Variants in LNX1 observed in about 807,000 individuals in gnomAD.
The protein encoded by LNX1 is E3 ubiquitin-protein ligase LNX.
A neutral mutation model predicts 68.4 loss-of-function variants in LNX1; 54 were observed. The ratio of observed to expected loss-of-function variants is 0.79; its 90% CI spans 0.63 to 0.99. The LOEUF (loss-of-function observed/expected upper bound fraction) is 0.99. Ranked by LOEUF, LNX1 falls within the 50% of genes least tolerant of loss-of-function variation. The pLI, the probability that LNX1 is intolerant of heterozygous loss-of-function variation, is 0.00. For missense variants in LNX1, 906 were observed against 926.4 expected (o/e 0.98, Z 0.29); for synonymous variants, 336 against 350.0 (o/e 0.96, Z 0.45).
At chr4:53,596,606 G>A (rs2109829190) in intron 2 of LNX1, among the ~76,000 whole-genome samples, 1 of 152,270 alleles carries the variant, frequency 6.6e-6, no homozygotes, top group East Asian at 1.9e-4. Flanking sequence ...GGTGGTGGCT[G>A]TTGCTATTTC....
chr4:53,478,743 C>T lies in LNX1; in HGVS notation c.1486-1G>A. ...GACAAGTAATTGTAGGATGGAGGGGCTGAAGGCACAGATGGAAAAACATGG... is the reference window on the plus strand; with the variant it reads ...GACAAGTAATTGTAGGATGGAGGGGTTGAAGGCACAGATGGAAAAACATGG... On this transcript the variant is annotated splice_acceptor_variant, in intron 7 of 10. Transcript: ENST00000263925. LOFTEE classifies it high-confidence loss of function. The T allele has an allele frequency of 6.2e-7, 1 of 1,612,054 alleles. No homozygotes were observed. The highest frequency in any genetic ancestry group is 1.1e-5 in the South Asian group (1 of 90,664).
At chr4:53,486,074 A>G (rs1203414816) in intron 6 of LNX1, among the ~76,000 whole-genome samples, 1 of 152,162 alleles carries the variant, frequency 6.6e-6, no homozygotes, top group Non-Finnish European at 1.5e-5. Context: ...TAAGAATCCT[A>G]GATTGTGATC....
chr4:53,646,172 C>T (rs1378013621), intron 1 of LNX1, among the ~76,000 whole-genome samples: 1 of 152,064 alleles, frequency 6.6e-6, no homozygotes, highest in South Asian at 2.1e-4. Flanking sequence ...TCATATTTCC[C>T]TTGTTCTTGA....
chr4:53,501,311 G>GGGGGGGAGT (rs1553932778), intron 4 of LNX1, among the ~76,000 whole-genome samples: 1 of 55,696 alleles, frequency 1.8e-5, no homozygotes, highest in Non-Finnish European at 3.6e-5. Context: ...GGGGTGGGGG[G>GGGGGGGAGT]ACAGGATCTC....
intron 2 of LNX1, among the ~76,000 whole-genome samples, chr4:53,615,068 A>C (rs1733635818): frequency 6.6e-6 from 1 of 152,160 alleles, no homozygotes; most frequent in Non-Finnish European, 1.5e-5. Flanking sequence ...CTTCAAATGA[A>C]TTAATTGCTG....
At chr4:53,601,570 G>A (rs569890728) in intron 2 of LNX1, among the ~76,000 whole-genome samples, 40 of 152,300 alleles carry the variant, frequency 2.6e-4, no homozygotes, top group Non-Finnish European at 3.8e-4. Context: ...TGACAACTGC[G>A]TGAGCCTGGT....
chr4:53,599,251 T>C (rs780190293), intron 2 of LNX1, among the ~76,000 whole-genome samples: 19 of 152,144 alleles, frequency 1.2e-4, no homozygotes, highest in Non-Finnish European at 2.6e-4. Flanking sequence ...CAGAAAGACT[T>C]TGCTGATAAA....
At chr4:53,621,786 G>A (rs1260537684), upstream of LNX1, among the ~76,000 whole-genome samples, 1 of 152,164 alleles carries the variant, frequency 6.6e-6, no homozygotes, top group Admixed American at 6.5e-5. Flanking sequence ...GATAGAGGCA[G>A]GGACATGAAA....
rs1358931701 is a variant in LNX1, at chr4:53,520,162, C to A, written c.381-11935G>T. On this transcript the variant is annotated intron_variant, in intron 2 of 10. Coordinates refer to ENST00000263925, the MANE Select transcript of LNX1 (RefSeq NM_001126328.3). The stretch of plus-strand genomic sequence containing the variant: ...ACTAAGATGGGTGTCCAGAATGTCA[C>A]CCCCAAACTGCTGCTGAAGGCACAG... 7.2e-5 allele frequency among the ~76,000 whole-genome samples: 11 copies of A among 152,172 alleles called. 1 individual carries two copies. The highest frequency in any genetic ancestry group is 7.2e-4 in the Admixed American group (11 of 15,276).
At chr4:53,562,732 A>G (rs1412302600) in intron 2 of LNX1, among the ~76,000 whole-genome samples, 3 of 152,212 alleles carry the variant, frequency 2.0e-5, no homozygotes, top group Non-Finnish European at 4.4e-5. Flanking sequence ...ATAGTTAATA[A>G]CAATGTATTG....
chr4:53,569,244 A>G lies in LNX1; in HGVS notation c.380+4379T>C, dbSNP rs1402403645. 7.2e-5 allele frequency among the ~76,000 whole-genome samples: 11 copies of G among 151,810 alleles called. No individual in the cohort carries two copies. The East Asian group carries it at 1.5e-3, about 21-fold the overall frequency. On this transcript the variant is annotated intron_variant, in intron 2 of 10. Coordinates refer to ENST00000263925, the MANE Select transcript of LNX1 (RefSeq NM_001126328.3). ...AAAGGAACAAAGCTGGAGGCATCAC[A>G]CTACCTGACTTCAAACTATACTACA...
At chr4:53,467,457 G>C (rs1435665579) in intron 9 of LNX1, among the ~76,000 whole-genome samples, 1 of 152,202 alleles carries the variant, frequency 6.6e-6, no homozygotes, top group African/African-American at 2.4e-5. Flanking sequence ...AAGGAATGCA[G>C]CTCCTCACCA....
chr4:53,467,119 T>G (rs1722747880), intron 9 of LNX1, among the ~76,000 whole-genome samples: 1 of 152,052 alleles, frequency 6.6e-6, no homozygotes, highest in South Asian at 2.1e-4. Context: ...ACACCTCACA[T>G]GGCTGGGTAC....
At chr4:53,466,509 A>G (rs553550098) in intron 9 of LNX1, among the ~76,000 whole-genome samples, 251 of 152,164 alleles carry the variant, frequency 1.6e-3, no homozygotes, top group Middle Eastern at 3.2e-3. Flanking sequence ...TGGGTGCAGC[A>G]CACCGAGCAC....
intron 4 of LNX1, among the ~76,000 whole-genome samples, chr4:53,506,855 C>CAAAAAAAAAAAAAAAA (rs1560633627): frequency 7.9e-5 from 1 of 12,642 alleles, no homozygotes; most frequent in Non-Finnish European, 3.0e-4. Context: ...AAAACTCTGT[C>CAAAAAAAAAAAAAAAA]TAAAAAAAAA....
At chr4:53,544,879 C>G (rs1045891046) in intron 2 of LNX1, among the ~76,000 whole-genome samples, 6 of 152,216 alleles carry the variant, frequency 3.9e-5, no homozygotes, top group African/African-American at 1.4e-4. Flanking sequence ...CAAAGACACA[C>G]AGCCAGCAAT....
intron 1 of LNX1, among the ~76,000 whole-genome samples, chr4:53,639,255 C>T (rs538015188): frequency 6.6e-6 from 1 of 152,272 alleles, no homozygotes; most frequent in Non-Finnish European, 1.5e-5. Context: ...ACTGCATGTT[C>T]TCACTTGTAA....
intron 2 of LNX1, among the ~76,000 whole-genome samples, chr4:53,611,574 C>T (rs1733499530): frequency 1.3e-5 from 2 of 152,036 alleles, no homozygotes; most frequent in Non-Finnish European, 2.9e-5. Flanking sequence ...AAGGGACATC[C>T]TCGCTAGTTA....
At chr4:53,572,890 C>T (rs1192783375) in intron 2 of LNX1, among the ~76,000 whole-genome samples, 1 of 152,156 alleles carries the variant, frequency 6.6e-6, no homozygotes, top group Admixed American at 6.5e-5. Flanking sequence ...TAAATTTCTC[C>T]TTTTAAAACT....
Sources: gnomAD v4.1 joint callset for allele counts (sites outside exome capture counted in the v4.1 genomes callset) on GRCh38, gnomAD v4.1.1 for gene constraint, MANE v1.5 for transcripts, NCBI Gene and HGNC (gene_info 2026-07-23, HGNC 2026-07-21) for gene names.